Variants in AFDN observed in about 807,000 individuals in gnomAD.
The protein encoded by AFDN is afadin.
A neutral mutation model predicts 216.6 loss-of-function variants in AFDN; 68 were observed. That is an observed-to-expected ratio of 0.31 (90% CI 0.26 to 0.38). The LOEUF is 0.38. AFDN is among the 10% of genes least tolerant of loss of function. AFDN has a pLI of 1.00. For synonymous variants in AFDN, 868 were observed against 853.7 expected (o/e 1.02, Z -0.29); for missense variants, 2,136 against 2,342.0 (o/e 0.91, Z 1.82).
chr6:167,891,410 T>TGG (rs1287111200), intron 8 of AFDN, among the ~76,000 whole-genome samples: 1 of 35,038 alleles, frequency 2.9e-5, no homozygotes, highest in African/African-American at 1.0e-4. Context: ...AAGGGGTGGG[T>TGG]GTGTGTGTGT....
Position 167,922,759 on chromosome 6 carries a change from C to G in AFDN, c.2909-97C>G, listed in dbSNP as rs997060268. 7.0e-5 allele frequency: 52 copies of G among 740,468 alleles called. No homozygotes were observed. In the African/African-American group the frequency reaches 8.8e-4, roughly 12 times the overall value. The allele number at this position is 740,468 out of a possible 1,614,324, so 45.9% of individuals were successfully genotyped here. On this transcript the variant is annotated intron_variant, in intron 21 of 33. Coordinates refer to ENST00000683244, the MANE Select transcript of AFDN (RefSeq NM_001386888.1). ...AGGTGTAGAGTAAGAAGAATCAATACCGTGTGTTGGATATTAAGCAATTGG... is the reference window on the plus strand; with the variant it reads ...AGGTGTAGAGTAAGAAGAATCAATAGCGTGTGTTGGATATTAAGCAATTGG...
chr6:167,853,957 A>G (rs1281327142), intron 1 of AFDN, among the ~76,000 whole-genome samples: 1 of 151,682 alleles, frequency 6.6e-6, no homozygotes. Context: ...TTTCATATGT[A>G]TTTTTTTTAG....
rs532495487 is a variant in AFDN, at chr6:167,889,419, A to C, written c.1009+93A>C. 30 of 880,306 alleles carry C rather than the reference A, an allele frequency of 3.4e-5. No homozygotes were observed. The South Asian group carries it at 5.0e-4, about 15-fold the overall frequency. 54.5% of individuals were successfully genotyped at this position (880,306 alleles called of 1,614,324 possible). The stretch of plus-strand genomic sequence containing the variant: ...ACATGATGTAGGAGATGTGTACGTT[A>C]ATGTTTTTGGATGGCCTTGTTGTTG... On this transcript the variant is annotated intron_variant, in intron 7 of 33. Transcript: ENST00000683244.
chr6:167,862,359 C>T (rs1486980742), intron 1 of AFDN, among the ~76,000 whole-genome samples: 2 of 151,630 alleles, frequency 1.3e-5, no homozygotes, highest in Non-Finnish European at 2.9e-5. Flanking sequence ...GTTTCGCATG[C>T]ATTTTTAGTT....
chr6:167,911,239 T>C lies in AFDN; in HGVS notation c.1832-45T>C, dbSNP rs765497817. On this transcript the variant is annotated intron_variant, in intron 14 of 33. Transcript: ENST00000683244. Reference sequence around the variant, plus strand: ...CTCCATCTGATTTTCACATTCGTTTTTATTCTTTTTTCCTTTTTTCTTTGT... The same window carrying C: ...CTCCATCTGATTTTCACATTCGTTTCTATTCTTTTTTCCTTTTTTCTTTGT... 4 of 1,603,400 alleles carry C rather than the reference T, an allele frequency of 2.5e-6. No homozygotes were observed. The South Asian group carries it at 4.4e-5, about 18-fold the overall frequency.
At position 167,962,654 on chromosome 6, in the gene AFDN, G is replaced by T; in HGVS notation, c.4968+87G>T. 1 of 1,595,096 alleles carries T rather than the reference G, an allele frequency of 6.3e-7. No individual in the cohort carries two copies. The highest frequency in any genetic ancestry group is 8.6e-7 in the Non-Finnish European group (1 of 1,167,010). On this transcript the variant is annotated intron_variant, in intron 31 of 33. Coordinates refer to ENST00000683244, the MANE Select transcript of AFDN (RefSeq NM_001386888.1). The surrounding 1 kb of genome is among the most constrained non-coding windows in gnomAD (Gnocchi z 5.2). Reference sequence around the variant, plus strand: ...TGGGGCAGAGCGGGCTGGAAGTTCTGTGTTTCTTAAGAAGCACGAGGCAGA... The same window carrying T: ...TGGGGCAGAGCGGGCTGGAAGTTCTTTGTTTCTTAAGAAGCACGAGGCAGA...
At chr6:167,931,531 T>C (rs1489334862) in intron 23 of AFDN, among the ~76,000 whole-genome samples, 1 of 152,186 alleles carries the variant, frequency 6.6e-6, no homozygotes, top group Non-Finnish European at 1.5e-5. Context: ...CATCTGTTAA[T>C]GCCTTTTCTT....
intron 32 of AFDN, 150 bp from the exon 33 acceptor site, chr6:167,968,964 A>T (rs372196519): frequency 6.8e-5 from 43 of 630,440 alleles, no homozygotes; most frequent in East Asian, 3.4e-4. Flanking sequence ...TTTCAAACTG[A>T]TGAAACTTTG....
At chr6:167,963,104 G>A (rs777162553) in intron 31 of AFDN, 568 of 1,067,232 alleles carry the variant, frequency 5.3e-4, no homozygotes, top group Non-Finnish European at 6.0e-4. Context: ...AATATCCTAA[G>A]TTATTTATTT....
rs147831048 is a variant in AFDN at position 167,947,198 on chromosome 6, G to A, written c.3553+297G>A. Among the ~76,000 whole-genome samples, 753 of 148,984 alleles carry A rather than the reference G, an allele frequency of 5.1e-3. 11 individuals carry two copies. The highest frequency in any genetic ancestry group is 0.018 in the African/African-American group (724 of 40,394). On this transcript the variant is annotated intron_variant, in intron 27 of 33. Coordinates refer to ENST00000683244, the MANE Select transcript of AFDN (RefSeq NM_001386888.1). ...ACATTTTTTTTTTTTTTTTTGAGAC[G>A]GAGTCTCACTCTCTCGCCCAGGCTG...
intron 9 of AFDN, among the ~76,000 whole-genome samples, chr6:167,896,636 G>T (rs1436162372): frequency 6.6e-6 from 1 of 152,228 alleles, no homozygotes; most frequent in Admixed American, 6.5e-5. Flanking sequence ...TAATAAGAAT[G>T]TGGTGGAATT....
At chr6:167,961,366 A>T (rs1797018925) in intron 30 of AFDN, among the ~76,000 whole-genome samples, 2 of 152,222 alleles carry the variant, frequency 1.3e-5, no homozygotes. Context: ...CAAAGTTACC[A>T]TTATCTTAGA....
At chr6:167,935,283 C>T (rs1248701744) in intron 23 of AFDN, among the ~76,000 whole-genome samples, 1 of 151,992 alleles carries the variant, frequency 6.6e-6, no homozygotes. Context: ...TTCCTTTTTG[C>T]GTGTTTTTTA....
In AFDN at chr6:167,914,222, C is replaced by T; in HGVS notation, c.2113C>T (p.Leu705Phe). ...LAFWMANASELLNFIKQDRDL... is the reference protein window; with the variant it reads ...LAFWMANASEFLNFIKQDRDL... Reference sequence around the variant, plus strand: ...CTTCTGGATGGCAAATGCATCTGAACTTCTCAACTTCATTAAGCAAGACCG... The same window carrying T: ...CTTCTGGATGGCAAATGCATCTGAATTTCTCAACTTCATTAAGCAAGACCG... Residue 705 changes from leucine (L) to phenylalanine (F), a missense_variant, in exon 17 of 34, where the codon CTT (leucine) becomes TTT (phenylalanine). Coordinates refer to ENST00000683244, the MANE Select transcript of AFDN (RefSeq NM_001386888.1). The T allele has an allele frequency of 6.2e-7, 1 of 1,614,138 alleles. No individual in the cohort carries two copies.
intron 6 of AFDN, 55 bp from the exon 7 acceptor site, chr6:167,889,160 C>T (rs1435630530): frequency 5.1e-6 from 6 of 1,173,744 alleles, no homozygotes; most frequent in Admixed American, 1.7e-5. Flanking sequence ...CTTTTAAGTA[C>T]TTGTTAACTT....
In AFDN at chr6:167,969,188, C is replaced by G. The variant is rs529414934; in HGVS notation, c.5332C>G (p.Arg1778Gly). 1.2e-6 allele frequency: 2 copies of G among 1,613,308 alleles called. No homozygotes were observed. Among genetic ancestry groups the G allele is most frequent in the Non-Finnish European group, 1.7e-6 (2 of 1,179,444 alleles). The stretch of plus-strand genomic sequence containing the variant: ...CGCCTGTCGGGATGCAAAAGAGAAG[C>G]GCTCTAAAAGGTATGGACGGTTGCA... Reference protein sequence around the residue: ...HDACRDAKEKRSKSQDADSPG... With the variant: ...HDACRDAKEKGSKSQDADSPG... The change falls in exon 33 of 34, where the codon CGC (arginine) becomes GGC (glycine). Residue 1778 changes from arginine (R) to glycine (G), a missense_variant. By Grantham distance (125) the Arg-to-Gly change is moderately radical. Around this residue, in one of 8 missense-constraint regions of AFDN, gnomAD observed 981 missense variants for 966.0 expected, o/e 1.02. Transcript: ENST00000683244.
At chr6:167,944,150 A>G (rs1056784247) in intron 26 of AFDN, 91 bp downstream of exon 26, 5 of 968,036 alleles carry the variant, frequency 5.2e-6, no homozygotes, top group South Asian at 1.5e-5. Context: ...TGGTGTTACT[A>G]TCGCCCCAGT....
chr6:167,952,619 A>C (rs1796120517), intron 30 of AFDN: 1 of 450,226 alleles, frequency 2.2e-6, no homozygotes, highest in Non-Finnish European at 2.9e-6. Context: ...GTTGTAGCAC[A>C]AAAGCAGCCA....
chr6:167,936,026 G>T (rs1243335629), intron 23 of AFDN, among the ~76,000 whole-genome samples: 1 of 152,054 alleles, frequency 6.6e-6, no homozygotes, highest in African/African-American at 2.4e-5. Context: ...AAAAAGTGAA[G>T]TTAATTTTAA....
Sources: gnomAD v4.1 joint callset for allele counts (sites outside exome capture counted in the v4.1 genomes callset) on GRCh38, gnomAD v4.1.1 for gene constraint, gnomAD v4.1.1 regional missense constraint, Gnocchi (gnomAD v3.1) non-coding constraint, MANE v1.5 for transcripts, NCBI Gene and HGNC (gene_info 2026-07-23, HGNC 2026-07-21) for gene names.